Variants in DPP10 observed in about 807,000 individuals in gnomAD.
The protein encoded by DPP10 is dipeptidyl peptidase like 10, also known as inactive dipeptidyl peptidase 10.
In DPP10, 33 loss-of-function variants were observed where a neutral mutation model predicts 120.9. The ratio of observed to expected loss-of-function variants is 0.27; its 90% CI spans 0.21 to 0.37. The LOEUF is 0.37. DPP10 is among the 10% of genes least tolerant of loss of function. The pLI, the probability that DPP10 is intolerant of heterozygous loss-of-function variation, is 1.00. For synonymous variants in DPP10, 337 were observed against 326.1 expected, an observed-to-expected ratio of 1.03 and a Z score of -0.36; for missense variants, 816 against 942.8, an observed-to-expected ratio of 0.87 and a Z score of 1.76.
At chr2:114,853,285 A>G (rs1479738031) in intron 1 of DPP10, among the ~76,000 whole-genome samples, 1 of 152,152 alleles carries the variant, frequency 6.6e-6, no homozygotes, top group African/African-American at 2.4e-5. Context: ...TGAGCTACTA[A>G]TGAAATACTA....
At chr2:115,601,117 T>G (rs2083294735) in intron 5 of DPP10, among the ~76,000 whole-genome samples, 1 of 152,206 alleles carries the variant, frequency 6.6e-6, no homozygotes, top group Non-Finnish European at 1.5e-5. Flanking sequence ...TACCTACTTC[T>G]TAAAAGAGAA....
chr2:115,713,238 A>T (rs10496500), intron 7 of DPP10, among the ~76,000 whole-genome samples: 1 of 152,244 alleles, frequency 6.6e-6, no homozygotes, highest in East Asian at 1.9e-4. Flanking sequence ...ATTGAGTCAT[A>T]AAGGAAGACC....
intron 13 of DPP10, among the ~76,000 whole-genome samples, chr2:115,770,656 G>C (rs1681351472): frequency 6.6e-6 from 1 of 152,046 alleles, no homozygotes; most frequent in African/African-American, 2.4e-5. Context: ...GAAATGGTTT[G>C]AATCACCTTG....
rs146967471 is a variant in DPP10, at chr2:115,119,860, C to A, written c.61-189379C>A. Among the ~76,000 whole-genome samples the A allele has an allele frequency of 1.8e-3, 280 of 152,294 alleles. 1 individual carries two copies. Among genetic ancestry groups the A allele is most frequent in the African/African-American group, 6.3e-3 (261 of 41,568 alleles). On this transcript the variant is annotated intron_variant, in intron 1 of 25. Transcript: ENST00000410059. ...CATGTACCTGTACCAAAAAGACTAA[C>A]AAGTGGGCCTAAAAAGGGAAAATCC...
Position 114,898,778 on chromosome 2 carries a change from T to C in DPP10, c.61-410461T>C, listed in dbSNP as rs373930450. Reference sequence around the variant, plus strand: ...AAAGATATCGTGTTGCTTTTAACCATTTTCTCCAGATACATGGTATCAATA... The same window carrying C: ...AAAGATATCGTGTTGCTTTTAACCACTTTCTCCAGATACATGGTATCAATA... On this transcript the variant is annotated intron_variant, in intron 1 of 25. Coordinates refer to ENST00000410059, the MANE Select transcript of DPP10 (RefSeq NM_020868.6). Among the ~76,000 whole-genome samples, 96 of 152,332 alleles carry C rather than the reference T, an allele frequency of 6.3e-4. 1 individual carries two copies. The highest frequency in any genetic ancestry group is 2.0e-3 in the African/African-American group (83 of 41,584).
At chr2:115,794,495 A>T (rs1684330343) in intron 19 of DPP10, among the ~76,000 whole-genome samples, 1 of 152,200 alleles carries the variant, frequency 6.6e-6, no homozygotes, top group East Asian at 1.9e-4. Flanking sequence ...AGTGAATCAA[A>T]GATCAATGTC....
chr2:115,294,777 G>T (rs957791073), intron 1 of DPP10, among the ~76,000 whole-genome samples: 3 of 152,004 alleles, frequency 2.0e-5, no homozygotes, highest in Non-Finnish European at 1.5e-5. Context: ...ATGCTAATAA[G>T]TATCACTACA....
At chr2:114,606,951 T>C (rs1006982264) in intron 1 of DPP10, among the ~76,000 whole-genome samples, 1 of 152,180 alleles carries the variant, frequency 6.6e-6, no homozygotes, top group Non-Finnish European at 1.5e-5. Flanking sequence ...GCCTGGGATA[T>C]TCAAGGAGAG....
intron 1 of DPP10, among the ~76,000 whole-genome samples, chr2:115,295,958 TAATA>T (rs989314989): frequency 2.0e-5 from 3 of 152,158 alleles, no homozygotes; most frequent in Non-Finnish European, 4.4e-5. Context: ...TAATAAGTGA[TAATA>T]AATAAATGTG....
intron 1 of DPP10, among the ~76,000 whole-genome samples, chr2:114,857,190 A>T (rs1182286399): frequency 6.6e-6 from 1 of 152,230 alleles, no homozygotes; most frequent in Non-Finnish European, 1.5e-5. Context: ...TAGTGCATCC[A>T]ATAGAGCTTC....
At chr2:114,889,535 G>T (rs1438793533) in intron 1 of DPP10, among the ~76,000 whole-genome samples, 2 of 151,660 alleles carry the variant, frequency 1.3e-5, no homozygotes, top group Non-Finnish European at 2.9e-5. Context: ...TAACTTTTAG[G>T]GTTGAATGTA....
At chr2:114,942,139 G>C (rs1360515069) in intron 1 of DPP10, among the ~76,000 whole-genome samples, 1 of 150,944 alleles carries the variant, frequency 6.6e-6, no homozygotes, top group Non-Finnish European at 1.5e-5. Context: ...CAGGCGCGGT[G>C]GTGGGTGCCT....
chr2:114,479,696 C>G (rs1680844229), intron 1 of DPP10, among the ~76,000 whole-genome samples: 1 of 152,180 alleles, frequency 6.6e-6, no homozygotes, highest in Non-Finnish European at 1.5e-5. Context: ...CTTCCTTACA[C>G]CTTATACAAA....
At chr2:115,154,064 A>AT (rs2051739213) in intron 1 of DPP10, among the ~76,000 whole-genome samples, 1 of 152,220 alleles carries the variant, frequency 6.6e-6, no homozygotes, top group African/African-American at 2.4e-5. Context: ...GAGATTGAGC[A>AT]TAATCTTAGA....
At chr2:115,643,652 G>T (rs2086976301) in intron 5 of DPP10, among the ~76,000 whole-genome samples, 1 of 152,228 alleles carries the variant, frequency 6.6e-6, no homozygotes, top group South Asian at 2.1e-4. Context: ...TACTTTTACT[G>T]GCATTAGTTT....
intron 1 of DPP10, among the ~76,000 whole-genome samples, chr2:115,135,220 C>T (rs1010145587): frequency 3.6e-5 from 5 of 138,030 alleles, no homozygotes; most frequent in Non-Finnish European, 6.2e-5. Context: ...CTTTATAGAT[C>T]CTCTGAAGTG....
Position 114,859,731 on chromosome 2 carries a change from C to T in DPP10, c.60+416893C>T, listed in dbSNP as rs572080600. 2.0e-4 allele frequency among the ~76,000 whole-genome samples: 30 copies of T among 152,290 alleles called. No homozygotes were observed. The South Asian group carries it at 5.2e-3, about 26-fold the overall frequency. On this transcript the variant is annotated intron_variant, in intron 1 of 25. Transcript: ENST00000410059. ...CTCTACCAATCCACCTATCTGGGAT[C>T]TTTTTCCTCCCCAGTGATTGTGGGC... is the stretch of plus-strand genomic sequence containing the variant.
At chr2:115,291,986 A>G (rs1574317785) in intron 1 of DPP10, among the ~76,000 whole-genome samples, 1 of 152,202 alleles carries the variant, frequency 6.6e-6, no homozygotes, top group Non-Finnish European at 1.5e-5. Flanking sequence ...TATTTTAAGC[A>G]TTCATTCAGG....
Position 114,970,108 on chromosome 2 carries a change from C to T in DPP10, c.61-339131C>T, listed in dbSNP as rs955098794. 2.0e-5 allele frequency among the ~76,000 whole-genome samples: 3 copies of T among 152,084 alleles called. No individual in the cohort carries two copies. In the East Asian group the frequency reaches 5.8e-4, roughly 29 times the overall value. ...GACAATAAAGGAGAAAAACTGGAAA[C>T]TTGGACAGCGATCAAGGCAGAGGAT... On this transcript the variant is annotated intron_variant, in intron 1 of 25. Coordinates refer to ENST00000410059, the MANE Select transcript of DPP10 (RefSeq NM_020868.6).
Sources: gnomAD v4.1 joint callset for allele counts (sites outside exome capture counted in the v4.1 genomes callset) on GRCh38, gnomAD v4.1.1 for gene constraint, MANE v1.5 for transcripts, NCBI Gene and HGNC (gene_info 2026-07-23, HGNC 2026-07-21) for gene names.